The following ARHGAP42 variants were observed in gnomAD, a reference collection of about 807,000 sequenced individuals.
ARHGAP42 encodes rho GTPase-activating protein 42.
In ARHGAP42, 63 loss-of-function variants were observed where a neutral mutation model predicts 125.0. The ratio of observed to expected loss-of-function variants is 0.50; its 90% confidence interval spans 0.41 to 0.62. ARHGAP42 has a LOEUF of 0.62. ARHGAP42 is among the 20% of genes least tolerant of loss of function. The probability of loss-of-function intolerance (pLI) is 0.00; values close to 1 mark genes in which losing one functional copy is unlikely to be tolerated. For missense variants in ARHGAP42, 766 were observed against 1,024.2 expected (o/e 0.75, Z 3.44); for synonymous variants, 339 against 351.0 (o/e 0.97, Z 0.38).
At chr11:100,828,468 G>A (rs1039973906) in intron 3 of ARHGAP42, among the ~76,000 whole-genome samples, 14 of 152,110 alleles carry the variant, frequency 9.2e-5, no homozygotes, top group Non-Finnish European at 1.0e-4. Flanking sequence ...AGGCTTCTGT[G>A]AAATAGTAAT....
intron 3 of ARHGAP42, among the ~76,000 whole-genome samples, chr11:100,798,652 A>G (rs1863779745): frequency 6.6e-6 from 1 of 152,184 alleles, no homozygotes; most frequent in South Asian, 2.1e-4. Context: ...TGCTTTATTT[A>G]TATTTACACA....
chr11:100,744,010 G>A (rs1862242432), intron 1 of ARHGAP42, among the ~76,000 whole-genome samples: 1 of 152,152 alleles, frequency 6.6e-6, no homozygotes, highest in Non-Finnish European at 1.5e-5. Flanking sequence ...TCGCTCTGCT[G>A]CCCAGGCTGG....
chr11:100,905,451 C>T (rs575978345), intron 4 of ARHGAP42, among the ~76,000 whole-genome samples: 1 of 152,308 alleles, frequency 6.6e-6, no homozygotes. Flanking sequence ...ACCACTACTA[C>T]TTCAAACATA....
intron 3 of ARHGAP42, among the ~76,000 whole-genome samples, chr11:100,815,388 G>T (rs674693): frequency 1.3e-5 from 2 of 152,016 alleles, no homozygotes; most frequent in African/African-American, 4.8e-5. Context: ...GGCAAATTGT[G>T]TGAAAGAGAA....
intron 1 of ARHGAP42, among the ~76,000 whole-genome samples, chr11:100,725,640 A>T (rs76163145): frequency 0.2 from 10,180 of 50,618 alleles, 464 homozygotes; most frequent in East Asian, 0.41. Context: ...AAATAATAAT[A>T]AAAAAAAGCC....
intron 3 of ARHGAP42, among the ~76,000 whole-genome samples, chr11:100,825,001 A>T (rs1864482278): frequency 6.6e-6 from 1 of 152,224 alleles, no homozygotes; most frequent in African/African-American, 2.4e-5. Flanking sequence ...AGGATGGTTA[A>T]CAACATTGGG....
intron 1 of ARHGAP42, among the ~76,000 whole-genome samples, chr11:100,719,049 C>A (rs999856744): frequency 8.5e-5 from 13 of 152,152 alleles, no homozygotes; most frequent in African/African-American, 3.1e-4. Context: ...AAGAACCAAT[C>A]ATCCTTCAAA....
At chr11:100,978,685 A>G (rs917688331) in intron 21 of ARHGAP42, among the ~76,000 whole-genome samples, 1 of 152,196 alleles carries the variant, frequency 6.6e-6, no homozygotes, top group African/African-American at 2.4e-5. Flanking sequence ...TGCTGGGAGC[A>G]GAGTAGAGAG....
intron 3 of ARHGAP42, among the ~76,000 whole-genome samples, chr11:100,836,768 A>G (rs1010412910): frequency 1.2e-4 from 17 of 147,228 alleles, no homozygotes; most frequent in African/African-American, 4.2e-4. Flanking sequence ...AAAGACCTCA[A>G]AATATACATG....
intron 19 of ARHGAP42, 49 bp from the exon 20 acceptor site, chr11:100,976,008 T>A: frequency 6.9e-7 from 1 of 1,458,566 alleles, no homozygotes; most frequent in Non-Finnish European, 9.1e-7. Flanking sequence ...GATGCTGTTA[T>A]CAATAGATAG....
At chr11:100,981,563 G>A (rs1858545309) in intron 22 of ARHGAP42, among the ~76,000 whole-genome samples, 1 of 152,164 alleles carries the variant, frequency 6.6e-6, no homozygotes, top group South Asian at 2.1e-4. Context: ...TTAGTGGATG[G>A]CCTTGAGCCA....
chr11:100,818,738 G>A (rs572966729), intron 3 of ARHGAP42, among the ~76,000 whole-genome samples: 6 of 152,220 alleles, frequency 3.9e-5, no homozygotes, highest in South Asian at 2.1e-4. Flanking sequence ...GAAGTGGTAC[G>A]GTGTATTTTT....
chr11:100,740,642 G>C lies in ARHGAP42; in HGVS notation c.155-29701G>C, dbSNP rs113165667. The stretch of plus-strand genomic sequence containing the variant: ...TGGAAAGCAGAGTTTGATGTAGAAT[G>C]GTTCCTGAAAGTGAAGGGGATGGTG... On this transcript the variant is annotated intron_variant, in intron 1 of 23. Coordinates refer to ENST00000298815, the MANE Select transcript of ARHGAP42 (RefSeq NM_152432.4). 6.1e-3 allele frequency among the ~76,000 whole-genome samples: 930 copies of C among 152,274 alleles called. 2 individuals are homozygous for C. Among genetic ancestry groups the C allele is most frequent in the Non-Finnish European group, 1.0e-2 (678 of 68,022 alleles).
chr11:100,979,681 A>T (rs1044660874), intron 22 of ARHGAP42, among the ~76,000 whole-genome samples: 8 of 144,864 alleles, frequency 5.5e-5, no homozygotes, highest in African/African-American at 2.1e-4. Context: ...GGAATTTCAT[A>T]AAGTCAGAGG....
chr11:100,788,560 C>G (rs1231922070), intron 2 of ARHGAP42, among the ~76,000 whole-genome samples: 1 of 152,128 alleles, frequency 6.6e-6, no homozygotes, highest in Non-Finnish European at 1.5e-5. Flanking sequence ...ATCCGTGGAG[C>G]TTGAAGCCAG....
intron 23 of ARHGAP42, 131 bp downstream of exon 23, chr11:100,987,723 C>A: frequency 1.3e-6 from 1 of 788,594 alleles, no homozygotes; most frequent in Non-Finnish European, 2.0e-6. Flanking sequence ...TCATAACGGG[C>A]ATGCATGAAC....
chr11:100,938,775 A>G (rs1277201875), intron 8 of ARHGAP42, among the ~76,000 whole-genome samples: 1 of 152,196 alleles, frequency 6.6e-6, no homozygotes, highest in Non-Finnish European at 1.5e-5. Context: ...GCAAATATCC[A>G]AAGCCCCTTC....
At chr11:100,863,919 G>A (rs4754705) in intron 4 of ARHGAP42, among the ~76,000 whole-genome samples, 41,065 of 152,070 alleles carry the variant, frequency 0.27, 5,930 homozygotes, top group South Asian at 0.47. Context: ...GAATATATCT[G>A]TAATCGTCGT....
chr11:100,810,188 A>C (rs1213201279), intron 3 of ARHGAP42, among the ~76,000 whole-genome samples: 1 of 152,188 alleles, frequency 6.6e-6, no homozygotes, highest in Non-Finnish European at 1.5e-5. Flanking sequence ...CAGGACTTAC[A>C]TGTGTAAAAT....
Sources: allele counts gnomAD v4.1 joint callset (sites outside exome capture counted in the v4.1 genomes callset), GRCh38; gene constraint gnomAD v4.1.1; transcripts MANE v1.5; gene names NCBI Gene and HGNC (gene_info 2026-07-23, HGNC 2026-07-21).